The following DVL1 variants were observed in gnomAD, a reference collection of about 807,000 sequenced individuals.
DVL1 encodes the protein dishevelled segment polarity protein 1, also known as segment polarity protein dishevelled homolog DVL-1.
A neutral mutation model predicts 65.0 loss-of-function variants in DVL1; 49 were observed. The ratio of observed to expected loss-of-function variants is 0.75; its 90% CI spans 0.60 to 0.96. DVL1 has a LOEUF of 0.96. Among genes scored for constraint, DVL1 ranks in the 40% least tolerant of loss-of-function variants. The probability of loss-of-function intolerance (pLI) is 0.00; values close to 1 mark genes in which losing one functional copy is unlikely to be tolerated. For synonymous variants in DVL1, 608 were observed against 433.9 expected (o/e 1.40, Z -4.99); for missense variants, 1,197 against 1,045.4 (o/e 1.15, Z -2.00).
In DVL1 at chr1:1,336,231, C is replaced by T; in HGVS notation, c.1999G>A (p.Ala667Thr). 6.4e-7 allele frequency: 1 copy of T among 1,557,730 alleles called. No homozygotes were observed. The highest frequency in any genetic ancestry group is 2.4e-5 in the East Asian group (1 of 42,446). The part of the protein sequence containing the change: ...PPGGPPVREL[A>T]AVPPELTGSR... ...CCTGTCAATTCCGGGGGGACGGCAG[C>T]CAGCTCCCGGACAGGGGGTCCCCCG... The change falls in exon 15 of 15, where the codon GCT becomes ACT. Residue 667 changes from alanine (A) to threonine (T), a missense_variant. Ala to Thr is a moderately conservative substitution (Grantham distance 58, BLOSUM62 0). Transcript: ENST00000378888.
chr1:1,339,152 G>T, intron 11 of DVL1, 135 bp downstream of exon 11: 2 of 1,242,118 alleles, frequency 1.6e-6, no homozygotes, highest in Non-Finnish European at 2.2e-6. Flanking sequence ...GCACACGTCT[G>T]TGCAGGGAGT....
chr1:1,345,292 G>A (rs1224162940), intron 1 of DVL1, among the ~76,000 whole-genome samples: 2 of 152,210 alleles, frequency 1.3e-5, no homozygotes, highest in East Asian at 1.9e-4. Context: ...CCTGCCCCCA[G>A]TGGCAGGGTG....
chr1:1,335,923 G>A lies in DVL1; in HGVS notation c.*219C>T, dbSNP rs763973461. 23 of 622,466 alleles carry A rather than the reference G, an allele frequency of 3.7e-5. No individual in the cohort carries two copies. The highest frequency in any genetic ancestry group is 9.3e-5 in the African/African-American group (5 of 53,800). The allele number at this position is 622,466 out of a possible 1,614,324, so 38.6% of individuals were successfully genotyped here. A position where few individuals can be genotyped will look rare whatever the true frequency, so the allele number is the denominator to read the frequency against. On this transcript the variant is annotated 3_prime_UTR_variant, in exon 15 of 15. Transcript: ENST00000378888. ...AGGGGTTGGGAGGTCCGAGGCTCTC[G>A]CTGAGGGGCAGAGAGGGAGCGCCCC...
intron 14 of DVL1, among the ~76,000 whole-genome samples, chr1:1,337,573 G>C (rs951499837): frequency 6.6e-6 from 1 of 152,166 alleles, no homozygotes; most frequent in African/African-American, 2.4e-5. Context: ...CATGGTCTCA[G>C]GGCCTCCTGC....
At chr1:1,340,839 ACG>A (rs202012797) in intron 5 of DVL1, among the ~76,000 whole-genome samples, 1,941 of 143,068 alleles carry the variant, frequency 0.014, 51 homozygotes, top group African/African-American at 0.049. Context: ...ACCTGCACAC[ACG>A]CAACCCTGCA....
chr1:1,337,697 T>A (rs1308619649), intron 14 of DVL1: 1 of 640,080 alleles, frequency 1.6e-6, no homozygotes, highest in East Asian at 3.0e-5. Flanking sequence ...GGGTCCAGGC[T>A]GCCCCTGTGT....
chr1:1,346,296 G>A (rs981986861), intron 1 of DVL1, among the ~76,000 whole-genome samples: 2 of 152,182 alleles, frequency 1.3e-5, no homozygotes, highest in African/African-American at 4.8e-5. Context: ...CCATCCCCCA[G>A]TCCCAGGCCT....
chr1:1,341,681 A>G lies in DVL1; in HGVS notation c.591T>C (p.Asp197=), dbSNP rs1317583789. The G allele has an allele frequency of 1.9e-6, 3 of 1,605,830 alleles. No individual in the cohort carries two copies. The highest frequency in any genetic ancestry group is 2.6e-6 in the Non-Finnish European group (3 of 1,174,158). Residue 197 remains aspartate, a synonymous_variant, in exon 5 of 15, where the codon GAT becomes GAC. Transcript: ENST00000378888. ...ESSSFVDSDE[D]GSTSRLSSST... ...CTCCCACACACCTGCTCGTGCTGCC[A>G]TCCTCGTCCGAGTCCACAAAGCTGC...
Position 1,347,469 on chromosome 1 carries a change from G to A in DVL1, c.170+1427C>T, listed in dbSNP as rs144159354. 5.0e-3 allele frequency among the ~76,000 whole-genome samples: 767 copies of A among 152,306 alleles called. 10 individuals are homozygous for A. Among genetic ancestry groups the A allele is most frequent in the African/African-American group, 0.017 (709 of 41,560 alleles). On this transcript the variant is annotated intron_variant, in intron 1 of 14. Transcript: ENST00000378888. ...CCCCCGGTGGGTGTCAGGAGCAGAA[G>A]GCGGACTCCCCCAGGGCTTCATCCC...
intron 8 of DVL1, 47 bp from the exon 9 acceptor site, chr1:1,339,859 G>A (rs75443527): frequency 1.5e-6 from 2 of 1,375,858 alleles, no homozygotes; most frequent in Non-Finnish European, 1.9e-6. Context: ...GTGCAGCTCA[G>A]TCCACCGCCC....
chr1:1,348,877 G>A lies in DVL1; in HGVS notation c.170+19C>T, dbSNP rs946892861. 5.9e-6 allele frequency: 9 copies of A among 1,519,376 alleles called. No individual in the cohort carries two copies. The highest frequency in any genetic ancestry group is 1.5e-5 in the African/African-American group (1 of 68,858). 94.1% of individuals were successfully genotyped at this position (1,519,376 alleles called of 1,614,324 possible). A position where few individuals can be genotyped will look rare whatever the true frequency, so the allele number is the denominator to read the frequency against. On this transcript the variant is annotated intron_variant, in intron 1 of 14. Coordinates refer to ENST00000378888, the MANE Select transcript of DVL1 (RefSeq NM_001330311.2). ...CCCGAGCCCGCGCCAGGCTCGCGCAGGCCTCGCGGCCGACTGACCCGAAGT... is the reference window on the plus strand; with the variant it reads ...CCCGAGCCCGCGCCAGGCTCGCGCAAGCCTCGCGGCCGACTGACCCGAAGT...
rs143804486 is a variant in DVL1, at chr1:1,340,057, G to A, written c.890C>T (p.Pro297Leu). 12 of 1,612,698 alleles carry A rather than the reference G, an allele frequency of 7.4e-6. No individual in the cohort carries two copies. The highest frequency in any genetic ancestry group is 1.0e-5 in the Non-Finnish European group (12 of 1,179,780). The change falls in exon 8 of 15, where the codon CCC becomes CTC. Residue 297 changes from proline to leucine, a missense_variant. Coordinates refer to ENST00000378888, the MANE Select transcript of DVL1 (RefSeq NM_001330311.2). ...ACACACCTGCAGCAACATGTCGCCGGGCTCGATGCGGCCGTCAGCGGCCAC... is the reference window on the plus strand; with the variant it reads ...ACACACCTGCAGCAACATGTCGCCGAGCTCGATGCGGCCGTCAGCGGCCAC... ...GAVAADGRIE[P>L]GDMLLQVNDV... is the part of the protein sequence containing the mutation.
At chr1:1,347,056 G>A (rs558660135) in intron 1 of DVL1, among the ~76,000 whole-genome samples, 12 of 152,222 alleles carry the variant, frequency 7.9e-5, no homozygotes, top group African/African-American at 2.2e-4. Flanking sequence ...GGCTCCTGAG[G>A]CCACCAGCCA....
intron 5 of DVL1, among the ~76,000 whole-genome samples, chr1:1,341,155 ACACCTGTACAAG>A (rs1643807182): frequency 7.2e-6 from 1 of 139,550 alleles, no homozygotes; most frequent in East Asian, 2.2e-4. Flanking sequence ...ACCTTCACAT[ACACCTGTACAAG>A]CACACCTGCA....
chr1:1,337,841 G>A (rs557766838), intron 14 of DVL1, 136 bp downstream of exon 14: 314 of 763,254 alleles, frequency 4.1e-4, no homozygotes, highest in African/African-American at 3.5e-3. Flanking sequence ...GAAGCAGGGC[G>A]GAGCAGCAGC....
intron 1 of DVL1, among the ~76,000 whole-genome samples, chr1:1,346,368 A>C (rs1424522966): frequency 1.3e-5 from 2 of 152,128 alleles, no homozygotes; most frequent in Non-Finnish European, 2.9e-5. Flanking sequence ...CCTCGGTGCC[A>C]AGTCCAGCAG....
chr1:1,348,034 G>A (rs2100776697), intron 1 of DVL1, among the ~76,000 whole-genome samples: 1 of 152,312 alleles, frequency 6.6e-6, no homozygotes, highest in Admixed American at 6.5e-5. Flanking sequence ...CAAGGACACC[G>A]CTTGCCGGAG....
chr1:1,339,931 A>G lies in DVL1; in HGVS notation c.909+107T>C, dbSNP rs1460880895. On this transcript the variant is annotated intron_variant, in intron 8 of 14. Coordinates refer to ENST00000378888, the MANE Select transcript of DVL1 (RefSeq NM_001330311.2). The stretch of plus-strand genomic sequence containing the variant: ...CCCCCGCAGACCCACCCGCAGCCGC[A>G]TGTCCCCCAGCAGCCCCTACAGACC... The G allele has an allele frequency of 1.5e-4, 222 of 1,499,924 alleles. 4 individuals carry two copies. In the East Asian group the frequency reaches 2.4e-3, roughly 16 times the overall value. The allele number at this position is 1,499,924 out of a possible 1,614,324, so 92.9% of individuals were successfully genotyped here. A position where few individuals can be genotyped will look rare whatever the true frequency, so the allele number is the denominator to read the frequency against.
At position 1,348,917 on chromosome 1, in the gene DVL1, T is replaced by A. The variant is rs1298526606; in HGVS notation, c.149A>T (p.Lys50Met). 4.5e-6 allele frequency: 7 copies of A among 1,569,436 alleles called. No homozygotes were observed. Among genetic ancestry groups the A allele is most frequent in the Admixed American group, 3.5e-5 (2 of 57,880 alleles). Residue 50 changes from lysine (K) to methionine (M), a missense_variant, in exon 1 of 15, where the codon AAG becomes ATG. Physicochemically the swap from Lys to Met is moderately conservative, Grantham distance 95. Coordinates refer to ENST00000378888, the MANE Select transcript of DVL1 (RefSeq NM_001330311.2). ...TGACCCGAAGTCCTGGTCCATGGAC[T>A]TAAAGAAGAATTTGTAGGCGTGCAC... Reference protein sequence around the residue: ...RPVHAYKFFFKSMDQDFGVVK... With the variant: ...RPVHAYKFFFMSMDQDFGVVK...
Sources: allele counts gnomAD v4.1 joint callset (sites outside exome capture counted in the v4.1 genomes callset), GRCh38; gene constraint gnomAD v4.1.1; transcripts MANE v1.5; gene names NCBI Gene and HGNC (gene_info 2026-07-23, HGNC 2026-07-21).